The following IFT172 variants were observed in gnomAD, a reference collection of about 807,000 sequenced individuals.
IFT172 encodes intraflagellar transport 172, also known as intraflagellar transport protein 172 homolog.
Under a neutral mutation model 248.9 loss-of-function variants are expected in IFT172, and 164 were observed. The ratio of observed to expected loss-of-function variants is 0.66; its 90% CI spans 0.58 to 0.75. The LOEUF (loss-of-function observed/expected upper bound fraction) is 0.75, where lower values mean the gene tolerates loss of function less well. IFT172 is among the 30% of genes least tolerant of loss of function. IFT172 has a pLI of 0.00. For synonymous variants in IFT172, 729 were observed against 791.6 expected, an observed-to-expected ratio of 0.92 and a Z score of 1.33; for missense variants, 1,950 against 2,192.4, an observed-to-expected ratio of 0.89 and a Z score of 2.21.
chr2:27,449,208 T>C, intron 39 of IFT172, 86 bp downstream of exon 39: 1 of 1,531,162 alleles, frequency 6.5e-7, no homozygotes, highest in Non-Finnish European at 9.0e-7. Context: ...TGGGTTTTTG[T>C]GGAGGTAGAA....
chr2:27,456,718 G>A (rs558208182), intron 29 of IFT172, 65 bp from the exon 30 acceptor site: 61 of 1,566,570 alleles, frequency 3.9e-5, no homozygotes, highest in Admixed American at 3.7e-4. Context: ...CTCTGACCTC[G>A]GCTTTGACAA....
intron 20 of IFT172, among the ~76,000 whole-genome samples, chr2:27,462,143 C>T (rs1005360400): frequency 6.6e-6 from 1 of 152,142 alleles, no homozygotes; most frequent in African/African-American, 2.4e-5. Flanking sequence ...AGCGATTCTC[C>T]CACCTCAGCC....
intron 43 of IFT172, 43 bp downstream of exon 43, chr2:27,446,217 T>C (rs1665082399): frequency 6.3e-7 from 1 of 1,587,584 alleles, no homozygotes; most frequent in African/African-American, 1.3e-5. Context: ...TTCCAACCTT[T>C]AACTTCCTCC....
intron 1 of IFT172, 136 bp from the exon 2 acceptor site, chr2:27,485,639 C>T: frequency 9.8e-7 from 1 of 1,021,654 alleles, no homozygotes; most frequent in Non-Finnish European, 1.4e-6. Flanking sequence ...CAAAGAGATG[C>T]CTGTGGCCCA....
rs1180660283 is a variant in IFT172, at chr2:27,445,853, A to G, written c.4816-10T>C. Reference sequence around the variant, plus strand: ...TCCCTTCCTCGATTGCCTGCAGTAGAGTGGGCAACCATGAACTAGGCACAG... The same window carrying G: ...TCCCTTCCTCGATTGCCTGCAGTAGGGTGGGCAACCATGAACTAGGCACAG... On this transcript the variant is annotated splice_polypyrimidine_tract_variant and intron_variant, in intron 44 of 47. Coordinates refer to ENST00000260570, the MANE Select transcript of IFT172 (RefSeq NM_015662.3). The surrounding 1 kb of genome is among the most constrained non-coding windows in gnomAD (Gnocchi z 4.4). The G allele has an allele frequency of 3.1e-6, 5 of 1,614,126 alleles. No individual in the cohort carries two copies. Among genetic ancestry groups the G allele is most frequent in the Non-Finnish European group, 4.2e-6 (5 of 1,179,986 alleles).
chr2:27,462,897 G>A, intron 19 of IFT172, 104 bp from the exon 20 acceptor site: 6 of 1,282,878 alleles, frequency 4.7e-6, no homozygotes, highest in Non-Finnish European at 6.7e-6. Context: ...AAAAGACTTG[G>A]GAAGGTAAAA....
At chr2:27,481,325 C>A in intron 7 of IFT172, 65 bp from the exon 8 acceptor site, 1 of 1,209,462 alleles carries the variant, frequency 8.3e-7, no homozygotes, top group South Asian at 1.3e-5. Flanking sequence ...TCCTCACTCT[C>A]AACACCTGGT....
chr2:27,453,871 T>C (rs1162090856), intron 33 of IFT172, 111 bp downstream of exon 33: 2 of 1,396,486 alleles, frequency 1.4e-6, no homozygotes, highest in African/African-American at 2.9e-5. Flanking sequence ...TCTTCCCCAC[T>C]CCCCAATACT....
rs915487255 is a variant in IFT172, at chr2:27,488,285, C to G, written c.39+1330G>C. Among the ~76,000 whole-genome samples the G allele has an allele frequency of 2.0e-5, 3 of 152,288 alleles. No individual in the cohort carries two copies. The East Asian group carries it at 5.8e-4, about 29-fold the overall frequency. On this transcript the variant is annotated intron_variant, in intron 1 of 47. Transcript: ENST00000260570. ...TCTCCTTCCTCAGCCTCCTGAGTAGCTGGGATTACAGGCGGCTGCTGCCAC... is the reference window on the plus strand; with the variant it reads ...TCTCCTTCCTCAGCCTCCTGAGTAGGTGGGATTACAGGCGGCTGCTGCCAC...
At chr2:27,448,884 G>A in intron 40 of IFT172, 31 bp downstream of exon 40, 1 of 1,041,190 alleles carries the variant, frequency 9.6e-7, no homozygotes, top group South Asian at 1.3e-5. Flanking sequence ...CTTTCTTGTG[G>A]AAACATTCAA....
chr2:27,452,570 A>G lies in IFT172; in HGVS notation c.3951+814T>C, dbSNP rs1423023693. ...GCATCATAGCACAAACCTAGATGGTATAGTCTACTATACACCTAGGTAGAG... is the reference window on the plus strand; with the variant it reads ...GCATCATAGCACAAACCTAGATGGTGTAGTCTACTATACACCTAGGTAGAG... On this transcript the variant is annotated intron_variant, in intron 35 of 47. Coordinates refer to ENST00000260570, the MANE Select transcript of IFT172 (RefSeq NM_015662.3). Among the ~76,000 whole-genome samples the G allele has an allele frequency of 2.6e-5, 4 of 152,250 alleles. No individual in the cohort carries two copies. In the South Asian group the frequency reaches 6.2e-4, roughly 24 times the overall value.
Position 27,469,629 on chromosome 2 carries a change from C to A in IFT172, c.1692+1299G>T, listed in dbSNP as rs2148524920. Among the ~76,000 whole-genome samples the A allele has an allele frequency of 1.3e-5, 2 of 152,236 alleles. 1 individual carries two copies. Among genetic ancestry groups the A allele is most frequent in the South Asian group, 4.1e-4 (2 of 4,828 alleles). The stretch of plus-strand genomic sequence containing the variant: ...GGTGGATCACCTAAGGTCAGGAATT[C>A]GAGATCAGTCTGGCCAACATGGCGA... On this transcript the variant is annotated intron_variant, in intron 16 of 47. Coordinates refer to ENST00000260570, the MANE Select transcript of IFT172 (RefSeq NM_015662.3).
intron 7 of IFT172, among the ~76,000 whole-genome samples, 169 bp from the exon 8 acceptor site, chr2:27,481,429 A>T (rs1668355056): frequency 6.8e-6 from 1 of 147,874 alleles, no homozygotes; most frequent in East Asian, 2.0e-4. Context: ...AAATTGTCAC[A>T]CACACACACA....
intron 14 of IFT172, among the ~76,000 whole-genome samples, chr2:27,474,524 T>A (rs1455791030): frequency 7.9e-5 from 12 of 152,164 alleles, no homozygotes. Flanking sequence ...AAATTAGACT[T>A]AAAGCATCAT....
chr2:27,487,348 T>C lies in IFT172; in HGVS notation c.40-1845A>G, dbSNP rs543972932. ...CCTTTCTCTACAATATGTACCTCAC[T>C]AGATTTTTTTATTAAGTGAGGTAGG... On this transcript the variant is annotated intron_variant, in intron 1 of 47. Coordinates refer to ENST00000260570, the MANE Select transcript of IFT172 (RefSeq NM_015662.3). Among the ~76,000 whole-genome samples the C allele has an allele frequency of 5.3e-5, 8 of 152,304 alleles. No homozygotes were observed. In the South Asian group the frequency reaches 1.0e-3, roughly 20 times the overall value.
chr2:27,467,423 A>G (rs1202414295), intron 16 of IFT172, among the ~76,000 whole-genome samples: 2 of 83,456 alleles, frequency 2.4e-5, no homozygotes, highest in Non-Finnish European at 4.5e-5. Flanking sequence ...AAATTGAAAA[A>G]AAAAAAAAAA....
At chr2:27,455,306 A>G in intron 30 of IFT172, 1 of 332,134 alleles carries the variant, frequency 3.0e-6, no homozygotes, top group Non-Finnish European at 5.8e-6. Flanking sequence ...GGCGATTTTG[A>G]AATAATTGAT....
At chr2:27,479,628 A>G (rs776973677) in intron 9 of IFT172, 24 bp from the exon 10 acceptor site, 1 of 1,419,338 alleles carries the variant, frequency 7.0e-7, no homozygotes, top group Non-Finnish European at 1.0e-6. Context: ...TGACAGCATA[A>G]AAGGTCACAC....
chr2:27,461,242 A>C (rs749963972), intron 22 of IFT172, 27 bp downstream of exon 22: 1 of 1,613,012 alleles, frequency 6.2e-7, no homozygotes, highest in East Asian at 2.2e-5. Flanking sequence ...TCTGGAGATA[A>C]GGGCTAGGAA....
Sources: gnomAD v4.1 joint callset for allele counts (sites outside exome capture counted in the v4.1 genomes callset) on GRCh38, gnomAD v4.1.1 for gene constraint, Gnocchi (gnomAD v3.1) non-coding constraint, MANE v1.5 for transcripts, NCBI Gene and HGNC (gene_info 2026-07-23, HGNC 2026-07-21) for gene names.